The following RNGTT variants were observed in gnomAD, a reference collection of about 807,000 sequenced individuals.
RNGTT encodes mRNA-capping enzyme.
Under a neutral mutation model 79.3 loss-of-function variants are expected in RNGTT, and 33 were observed. The ratio of observed to expected loss-of-function variants is 0.42; its 90% CI spans 0.32 to 0.56. RNGTT has a LOEUF of 0.56. Ranked by LOEUF, RNGTT falls within the 20% of genes least tolerant of loss-of-function variation. RNGTT has a pLI of 0.17. For missense variants in RNGTT, 497 were observed against 739.1 expected, an observed-to-expected ratio of 0.67 and a Z score of 3.80; for synonymous variants, 222 against 235.9, an observed-to-expected ratio of 0.94 and a Z score of 0.54.
intron 12 of RNGTT, among the ~76,000 whole-genome samples, chr6:88,775,825 T>C (rs1778857838): frequency 6.6e-6 from 1 of 152,186 alleles, no homozygotes; most frequent in Admixed American, 6.5e-5. Context: ...TGATCTTGCT[T>C]AGTACAATGC....
chr6:88,724,640 T>G (rs972645765), intron 13 of RNGTT, among the ~76,000 whole-genome samples: 4 of 152,226 alleles, frequency 2.6e-5, no homozygotes, highest in Admixed American at 6.5e-5. Context: ...CCCTCACACG[T>G]GCAGTTCATA....
At chr6:88,660,144 A>T (rs1486402559) in intron 14 of RNGTT, among the ~76,000 whole-genome samples, 1 of 152,162 alleles carries the variant, frequency 6.6e-6, no homozygotes, top group African/African-American at 2.4e-5. Context: ...AAGAAATGCT[A>T]AAAAAGTTCT....
intron 12 of RNGTT, among the ~76,000 whole-genome samples, chr6:88,790,221 G>A (rs1300680087): frequency 6.6e-6 from 1 of 152,176 alleles, no homozygotes; most frequent in Non-Finnish European, 1.5e-5. Context: ...CTGGTGCAGT[G>A]CCCCAGAAAG....
At chr6:88,734,805 T>A (rs1777230764) in intron 13 of RNGTT, among the ~76,000 whole-genome samples, 1 of 152,140 alleles carries the variant, frequency 6.6e-6, no homozygotes, top group Admixed American at 6.5e-5. Context: ...ACTACAGTAT[T>A]CAATAAGCTA....
At chr6:88,720,169 A>C (rs1350643940) in intron 13 of RNGTT, among the ~76,000 whole-genome samples, 1 of 152,168 alleles carries the variant, frequency 6.6e-6, no homozygotes, top group Non-Finnish European at 1.5e-5. Flanking sequence ...GCCATTAATT[A>C]GATAGAATAT....
intron 14 of RNGTT, among the ~76,000 whole-genome samples, chr6:88,648,346 G>A (rs927565757): frequency 1.3e-5 from 2 of 151,980 alleles, no homozygotes; most frequent in Admixed American, 1.3e-4. Context: ...AAATTCTTAT[G>A]GCAGTCTGCA....
intron 8 of RNGTT, among the ~76,000 whole-genome samples, chr6:88,871,151 A>C (rs925727682): frequency 9.2e-5 from 14 of 152,134 alleles, no homozygotes; most frequent in African/African-American, 3.4e-4. Flanking sequence ...AAACTCCTAT[A>C]ATAAGCTATC....
intron 14 of RNGTT, among the ~76,000 whole-genome samples, chr6:88,672,701 TA>T (rs1428965322): frequency 6.6e-6 from 1 of 152,126 alleles, no homozygotes; most frequent in African/African-American, 2.4e-5. Flanking sequence ...CAAAACCTAT[TA>T]AAGTAATAAT....
At chr6:88,868,241 T>A (rs1280160085) in intron 8 of RNGTT, among the ~76,000 whole-genome samples, 2 of 152,158 alleles carry the variant, frequency 1.3e-5, no homozygotes, top group Non-Finnish European at 2.9e-5. Context: ...TCAAGAAGAT[T>A]GAGATAAAGG....
At chr6:88,687,682 A>G (rs968113271) in intron 13 of RNGTT, among the ~76,000 whole-genome samples, 4 of 151,996 alleles carry the variant, frequency 2.6e-5, no homozygotes, top group Admixed American at 6.6e-5. Context: ...AAGGCGCAAG[A>G]GAGGATATAT....
chr6:88,680,362 C>T (rs1303153807), intron 13 of RNGTT, among the ~76,000 whole-genome samples: 7 of 152,146 alleles, frequency 4.6e-5, no homozygotes, highest in Non-Finnish European at 8.8e-5. Context: ...ACTAAGACCA[C>T]GAAAGCAGTC....
chr6:88,654,647 T>G (rs559818551), intron 14 of RNGTT, among the ~76,000 whole-genome samples: 13 of 152,224 alleles, frequency 8.5e-5, no homozygotes, highest in African/African-American at 3.1e-4. Context: ...TCCAAAGACA[T>G]TCTGAGGGTA....
intron 13 of RNGTT, among the ~76,000 whole-genome samples, chr6:88,731,421 C>T (rs1297110860): frequency 3.3e-5 from 5 of 152,108 alleles, no homozygotes; most frequent in African/African-American, 4.8e-5. Context: ...AAGCAAACAC[C>T]TGAACCAGAC....
intron 10 of RNGTT, among the ~76,000 whole-genome samples, chr6:88,845,409 G>A (rs974417348): frequency 3.3e-5 from 5 of 152,146 alleles, no homozygotes; most frequent in Non-Finnish European, 7.4e-5. Flanking sequence ...TATGAATTGA[G>A]GATAAGTCTC....
chr6:88,614,236 T>C lies in RNGTT; in HGVS notation c.1630+36A>G, dbSNP rs187901558. ...GGGTCTAACACCTTAATTTTTGTTT[T>C]AAATATAATAAGCACTGGTAAGTTG... is the stretch of plus-strand genomic sequence containing the variant. On this transcript the variant is annotated intron_variant, in intron 15 of 15. Coordinates refer to ENST00000369485, the MANE Select transcript of RNGTT (RefSeq NM_003800.5). 1,075 of 1,603,620 alleles carry C rather than the reference T, an allele frequency of 6.7e-4. 4 individuals are homozygous for C. The highest frequency in any genetic ancestry group is 8.2e-4 in the South Asian group (74 of 89,750).
At chr6:88,913,138 G>T (rs1468908932) in intron 4 of RNGTT, among the ~76,000 whole-genome samples, 1 of 150,466 alleles carries the variant, frequency 6.6e-6, no homozygotes, top group Non-Finnish European at 1.5e-5. Flanking sequence ...ACAGGAGGCA[G>T]AGGTTGCAGT....
At chr6:88,674,015 G>T (rs1774758916) in intron 14 of RNGTT, among the ~76,000 whole-genome samples, 1 of 152,116 alleles carries the variant, frequency 6.6e-6, no homozygotes, top group African/African-American at 2.4e-5. Context: ...TAGCGAGGGG[G>T]GTTTATGAAG....
intron 14 of RNGTT, among the ~76,000 whole-genome samples, chr6:88,633,531 T>A (rs1772983518): frequency 6.6e-6 from 1 of 152,200 alleles, no homozygotes; most frequent in Admixed American, 6.5e-5. Flanking sequence ...CTTGGAAAGA[T>A]GGTATGTTGA....
intron 11 of RNGTT, 50 bp from the exon 12 acceptor site, chr6:88,801,682 A>G (rs1349376303): frequency 4.1e-6 from 5 of 1,217,692 alleles, no homozygotes; most frequent in Admixed American, 1.8e-5. Context: ...AATCACTTTA[A>G]AAGTATTTAA....
Sources: allele counts gnomAD v4.1 joint callset (sites outside exome capture counted in the v4.1 genomes callset), GRCh38; gene constraint gnomAD v4.1.1; transcripts MANE v1.5; gene names NCBI Gene and HGNC (gene_info 2026-07-23, HGNC 2026-07-21).